Variants in IGF1R observed in about 807,000 individuals in gnomAD.
IGF1R encodes insulin like growth factor 1 receptor.
In IGF1R, 44 loss-of-function variants were observed where a neutral mutation model predicts 144.6. The ratio of observed to expected loss-of-function variants is 0.30; its 90% CI spans 0.24 to 0.39. IGF1R has a LOEUF of 0.39. IGF1R is among the 10% of genes least tolerant of loss of function. The probability of loss-of-function intolerance (pLI) is 1.00; values close to 1 mark genes in which losing one functional copy is unlikely to be tolerated. For synonymous variants in IGF1R, 795 were observed against 722.8 expected, an observed-to-expected ratio of 1.10 and a Z score of -1.60; for missense variants, 1,355 against 1,833.7, an observed-to-expected ratio of 0.74 and a Z score of 4.77.
chr15:98,716,002 A>C (rs1342129663), intron 2 of IGF1R, among the ~76,000 whole-genome samples: 2 of 152,208 alleles, frequency 1.3e-5, no homozygotes, highest in African/African-American at 4.8e-5. Flanking sequence ...GAAGAAGTTC[A>C]TCTCCAAACC....
At chr15:98,720,369 T>C (rs1369609965) in intron 2 of IGF1R, among the ~76,000 whole-genome samples, 1 of 152,240 alleles carries the variant, frequency 6.6e-6, no homozygotes, top group Non-Finnish European at 1.5e-5. Flanking sequence ...AGATTCAGTT[T>C]TGAAGACAAG....
At position 98,957,427 on chromosome 15, in the gene IGF1R, G is replaced by A; in HGVS notation, c.4089G>A (p.Gln1363=). The A allele has an allele frequency of 6.2e-7, 1 of 1,613,102 alleles. No individual in the cohort carries two copies. The highest frequency in any genetic ancestry group is 8.5e-7 in the Non-Finnish European group (1 of 1,180,042). Reference sequence around the variant, plus strand: ...ACGAGCGGGCCTTGCCGCTGCCCCAGTCTTCGACCTGCTGATCCTTGGATC... The same window carrying A: ...ACGAGCGGGCCTTGCCGCTGCCCCAATCTTCGACCTGCTGATCCTTGGATC... ...RKNERALPLP[Q]SSTC The change falls in exon 21 of 21, where the codon CAG becomes CAA. Residue 1363 remains glutamine, a synonymous_variant. Coordinates refer to ENST00000650285, the MANE Select transcript of IGF1R (RefSeq NM_000875.5).
At chr15:98,863,789 T>C (rs1173566090) in intron 2 of IGF1R, among the ~76,000 whole-genome samples, 1 of 152,240 alleles carries the variant, frequency 6.6e-6, no homozygotes, top group Non-Finnish European at 1.5e-5. Flanking sequence ...TCTCTCGTTT[T>C]TGATACTCAA....
At position 98,959,787 on chromosome 15, in the gene IGF1R, GCTT is replaced by G; in HGVS notation, c.*2346_*2348del. 1 of 233,192 alleles carries G rather than the reference GCTT, an allele frequency of 4.3e-6. No homozygotes were observed. Among genetic ancestry groups the G allele is most frequent in the Non-Finnish European group, 8.5e-6 (1 of 118,014 alleles). The allele number at this position is 233,192 out of a possible 1,614,324, so 14.4% of individuals were successfully genotyped here. A position where few individuals can be genotyped will look rare whatever the true frequency, so the allele number is the denominator to read the frequency against. On this transcript the variant is annotated 3_prime_UTR_variant, in exon 21 of 21. Transcript: ENST00000650285. ...CAACACAGAAAAGAAAGTTTATACGGCTTTTTTGCTGGTCAGCAGTTTGTCCCA... is the reference window on the plus strand; with the variant it reads ...CAACACAGAAAAGAAAGTTTATACGGTTTTGCTGGTCAGCAGTTTGTCCCA...
At chr15:98,778,935 C>CT (rs2055786288) in intron 2 of IGF1R, among the ~76,000 whole-genome samples, 1 of 152,208 alleles carries the variant, frequency 6.6e-6, no homozygotes, top group Admixed American at 6.5e-5. Context: ...AACCAGCTGT[C>CT]TTTCTTCTTA....
At position 98,934,829 on chromosome 15, in the gene IGF1R, G is replaced by C; in HGVS notation, c.2962G>C (p.Val988Leu). ...PEYFSAADVY[V>L]PDEWEVAREK... Reference sequence around the variant, plus strand: ...AATTACGGTTTCTTCTCCAGTGTACGTTCCTGATGAGTGGGAGGTGGCTCG... The same window carrying C: ...AATTACGGTTTCTTCTCCAGTGTACCTTCCTGATGAGTGGGAGGTGGCTCG... The change falls in exon 16 of 21, where the codon GTT (valine) becomes CTT (leucine). Residue 988 changes from valine to leucine, a missense_variant. Around this residue, in one of 7 missense-constraint regions of IGF1R, gnomAD observed 880 missense variants for 1,202.7 expected, o/e 0.73. Transcript: ENST00000650285. 6.2e-7 allele frequency: 1 copy of C among 1,613,950 alleles called. No individual in the cohort carries two copies. The highest frequency in any genetic ancestry group is 8.5e-7 in the Non-Finnish European group (1 of 1,179,840).
At chr15:98,654,798 A>AG (rs1463225184) in intron 1 of IGF1R, among the ~76,000 whole-genome samples, 1 of 152,212 alleles carries the variant, frequency 6.6e-6, no homozygotes, top group Non-Finnish European at 1.5e-5. Context: ...TTACGGATAT[A>AG]GTTTCTTGAT....
chr15:98,929,034 A>ATAGAAATTCTT (rs1382156315), intron 13 of IGF1R, among the ~76,000 whole-genome samples: 1 of 152,200 alleles, frequency 6.6e-6, no homozygotes, highest in Non-Finnish European at 1.5e-5. Flanking sequence ...CATTTTATGA[A>ATAGAAATTCTT]AATGAATAGA....
chr15:98,690,524 A>G (rs1362316210), intron 1 of IGF1R, among the ~76,000 whole-genome samples: 3 of 152,094 alleles, frequency 2.0e-5, no homozygotes, highest in Non-Finnish European at 4.4e-5. Context: ...TTAAACACAG[A>G]TTTGCAATTT....
intron 2 of IGF1R, among the ~76,000 whole-genome samples, chr15:98,731,815 T>C (rs1015968599): frequency 6.6e-6 from 1 of 152,094 alleles, no homozygotes; most frequent in Admixed American, 6.6e-5. Flanking sequence ...AAGCAAACCA[T>C]TGGAAAATGT....
At chr15:98,764,804 A>G (rs764069292) in intron 2 of IGF1R, among the ~76,000 whole-genome samples, 4 of 152,088 alleles carry the variant, frequency 2.6e-5, no homozygotes, top group African/African-American at 7.2e-5. Flanking sequence ...AAATTTTTTT[A>G]TAGAGGTAAA....
At chr15:98,715,396 C>T (rs1454463296) in intron 2 of IGF1R, among the ~76,000 whole-genome samples, 1 of 152,214 alleles carries the variant, frequency 6.6e-6, no homozygotes, top group African/African-American at 2.4e-5. Context: ...TTCAGAACCA[C>T]TGACTTGTGG....
intron 2 of IGF1R, among the ~76,000 whole-genome samples, chr15:98,783,559 C>T (rs1567127216): frequency 6.6e-6 from 1 of 152,104 alleles, no homozygotes; most frequent in Non-Finnish European, 1.5e-5. Flanking sequence ...CATGTCCCTC[C>T]ATTTATTTAG....
chr15:98,755,344 G>A (rs2055121887), intron 2 of IGF1R, among the ~76,000 whole-genome samples: 1 of 152,130 alleles, frequency 6.6e-6, no homozygotes, highest in African/African-American at 2.4e-5. Context: ...GGACAGTCAT[G>A]TGGTTTCTTG....
chr15:98,699,860 A>G (rs1382379905), intron 1 of IGF1R, among the ~76,000 whole-genome samples: 6 of 152,146 alleles, frequency 3.9e-5, no homozygotes, highest in Non-Finnish European at 7.3e-5. Flanking sequence ...CTCGGTTTCT[A>G]ATTTCTGTTC....
intron 2 of IGF1R, among the ~76,000 whole-genome samples, chr15:98,882,575 C>T (rs1354013431): frequency 1.3e-5 from 2 of 152,146 alleles, no homozygotes; most frequent in East Asian, 3.9e-4. Flanking sequence ...ATGTCATGGC[C>T]CTAGGAGCTT....
intron 2 of IGF1R, among the ~76,000 whole-genome samples, chr15:98,827,089 G>T (rs1266967871): frequency 6.6e-6 from 1 of 151,970 alleles, no homozygotes; most frequent in South Asian, 2.1e-4. Context: ...CCATATTTCT[G>T]TTTAGAGGCT....
At chr15:98,676,369 C>T (rs12899265) in intron 1 of IGF1R, among the ~76,000 whole-genome samples, 110,832 of 151,932 alleles carry the variant, frequency 0.73, 45,034 homozygotes, top group Non-Finnish European at 0.89. Context: ...AAATCCTGAC[C>T]TTGCGATCCG....
intron 1 of IGF1R, among the ~76,000 whole-genome samples, chr15:98,684,952 TA>T (rs1422726747): frequency 0.16 from 14,460 of 87,960 alleles, 1,168 homozygotes; most frequent in African/African-American, 0.31. Context: ...TTTTTTTTTT[TA>T]AATTTTTGAG....
Sources: allele counts gnomAD v4.1 joint callset (sites outside exome capture counted in the v4.1 genomes callset), GRCh38; gene constraint gnomAD v4.1.1; regional missense constraint gnomAD v4.1.1; transcripts MANE v1.5; gene names NCBI Gene and HGNC (gene_info 2026-07-23, HGNC 2026-07-21).